Variants in ITGA3 observed in about 807,000 individuals in gnomAD.
ITGA3 encodes integrin alpha-3.
In ITGA3, 70 loss-of-function variants were observed where a neutral mutation model predicts 131.1. The observed-to-expected ratio is 0.53, with a 90% CI of 0.44 to 0.65. The LOEUF is 0.65. ITGA3 is among the 30% of genes least tolerant of loss of function. The pLI is 0.00. For synonymous variants in ITGA3, 537 were observed against 571.6 expected (o/e 0.94, Z 0.86); for missense variants, 1,098 against 1,388.6 (o/e 0.79, Z 3.33).
Position 50,089,207 on chromosome 17 carries a change from C to G in ITGA3, c.*129C>G. 6.2e-7 allele frequency: 1 copy of G among 1,613,758 alleles called. No individual in the cohort carries two copies. The highest frequency in any genetic ancestry group is 8.5e-7 in the Non-Finnish European group (1 of 1,179,922). On this transcript the variant is annotated 3_prime_UTR_variant, in exon 26 of 26. Transcript: ENST00000320031. Reference sequence around the variant, plus strand: ...GAGCGCTACCCACCTCCAGGGAGCACCCTGCCCACCAAGAAGCACTGGGTG... The same window carrying G: ...GAGCGCTACCCACCTCCAGGGAGCAGCCTGCCCACCAAGAAGCACTGGGTG...
At chr17:50,082,869 T>C (rs1384419161) in intron 23 of ITGA3, among the ~76,000 whole-genome samples, 1 of 152,182 alleles carries the variant, frequency 6.6e-6, no homozygotes, top group South Asian at 2.1e-4. Context: ...TCCACCCAAA[T>C]TATTCCAGTC....
chr17:50,078,479 G>C (rs2144302480), intron 18 of ITGA3, among the ~76,000 whole-genome samples, 195 bp downstream of exon 18: 1 of 152,230 alleles, frequency 6.6e-6, no homozygotes, highest in East Asian at 1.9e-4. Context: ...CTGTAAAGCA[G>C]GCAGAAATGG....
rs80258457 is a variant in ITGA3, at chr17:50,074,612, C to T, written c.1469+78C>T. On this transcript the variant is annotated intron_variant, in intron 10 of 25. Transcript: ENST00000320031. ...GGGCTGCAGCTCCCAAACCCCTCCC[C>T]TGGCCTCCTGACATCCCACCTTTAG... The T allele has an allele frequency of 7.7e-3, 7,387 of 962,970 alleles. 335 individuals carry two copies. In the African/African-American group the frequency reaches 0.1, roughly 14 times the overall value. 59.7% of individuals were successfully genotyped at this position (962,970 alleles called of 1,614,324 possible). A position where few individuals can be genotyped will look rare whatever the true frequency, so the allele number is the denominator to read the frequency against.
At chr17:50,077,975 C>A (rs1459617768) in intron 16 of ITGA3, 71 bp from the exon 17 acceptor site, 22 of 1,294,400 alleles carry the variant, frequency 1.7e-5, no homozygotes, top group Admixed American at 3.5e-5. Flanking sequence ...GTGTGCATCC[C>A]CTCCTTCCCC....
At chr17:50,085,327 G>C (rs1265705068) in intron 23 of ITGA3, among the ~76,000 whole-genome samples, 1 of 151,960 alleles carries the variant, frequency 6.6e-6, no homozygotes, top group Non-Finnish European at 1.5e-5. Context: ...TATGGAAAGA[G>C]ATTCACCAGA....
chr17:50,083,739 A>AG (rs397718578), intron 23 of ITGA3, among the ~76,000 whole-genome samples: 4 of 151,392 alleles, frequency 2.6e-5, no homozygotes, highest in Non-Finnish European at 5.9e-5. Flanking sequence ...AAAAAAAAAA[A>AG]GAAACTAAAT....
In ITGA3 at chr17:50,056,696, G is replaced by A; in HGVS notation, c.206+51G>A. 6.5e-7 allele frequency: 1 copy of A among 1,534,358 alleles called. No homozygotes were observed. The highest frequency in any genetic ancestry group is 8.8e-7 in the Non-Finnish European group (1 of 1,133,584). ...TGGGAGCGAGAGAGTGTGCGAGCGCGGGATGCGGGTCCGGAGCTGAGTCGG... is the reference window on the plus strand; with the variant it reads ...TGGGAGCGAGAGAGTGTGCGAGCGCAGGATGCGGGTCCGGAGCTGAGTCGG... On this transcript the variant is annotated intron_variant, in intron 1 of 25. Coordinates refer to ENST00000320031, the MANE Select transcript of ITGA3 (RefSeq NM_002204.4). The surrounding 1 kb of genome is among the most constrained non-coding windows in gnomAD (Gnocchi z 5.6).
At chr17:50,069,005 G>A (rs987880995) in intron 4 of ITGA3, among the ~76,000 whole-genome samples, 11 of 151,624 alleles carry the variant, frequency 7.3e-5, no homozygotes, top group Admixed American at 1.3e-4. Flanking sequence ...CCGCCACCAT[G>A]CCCGGCTAAT....
At chr17:50,082,600 C>T (rs1218074845) in intron 23 of ITGA3, among the ~76,000 whole-genome samples, 1 of 152,170 alleles carries the variant, frequency 6.6e-6, no homozygotes, top group Admixed American at 6.5e-5. Context: ...GTATTAGCTA[C>T]CACACCTGGC....
chr17:50,077,236 T>TGGGCCTTCTTGG (rs1908958791), intron 15 of ITGA3, 115 bp downstream of exon 15: 1 of 1,301,488 alleles, frequency 7.7e-7, no homozygotes, highest in African/African-American at 1.5e-5. Flanking sequence ...TCCTCTGGTC[T>TGGGCCTTCTTGG]GGGCCTTCTT....
rs763530185 is a variant in ITGA3 at position 50,076,992 on chromosome 17, C to G, written c.1941C>G (p.Asp647Glu). 3.7e-6 allele frequency: 6 copies of G among 1,610,322 alleles called. No individual in the cohort carries two copies. The South Asian group carries it at 6.6e-5, about 18-fold the overall frequency. Residue 647 changes from aspartate to glutamate, a missense_variant, in exon 15 of 26, where the codon GAC becomes GAG. Around this residue, in one of 3 missense-constraint regions of ITGA3, gnomAD observed 699 missense variants for 829.2 expected, o/e 0.84. Transcript: ENST00000320031. ...CTCTCAGGCTCCAGTACAGCAGAGACGTCCGGAAATTGCTCCTGAGCATCA... is the reference window on the plus strand; with the variant it reads ...CTCTCAGGCTCCAGTACAGCAGAGAGGTCCGGAAATTGCTCCTGAGCATCA... Reference protein sequence around the residue: ...QKLSRLQYSRDVRKLLLSINV... With the variant: ...QKLSRLQYSREVRKLLLSINV...
At chr17:50,088,117 C>T in intron 24 of ITGA3, 108 bp from the exon 25 acceptor site, 4 of 1,395,640 alleles carry the variant, frequency 2.9e-6, no homozygotes, top group Non-Finnish European at 2.9e-6. Context: ...TGGGACTGAG[C>T]CCCAGCCCCC....
In ITGA3 at chr17:50,064,092, C is replaced by T. The variant is rs201984415; in HGVS notation, c.222C>T (p.Ala74=). Residue 74 remains alanine (A), a synonymous_variant, in exon 2 of 26, where the codon GCC becomes GCT. Transcript: ENST00000320031. The surrounding 1 kb of genome is among the most constrained non-coding windows in gnomAD (Gnocchi z 4.4). The part of the protein sequence containing the change: ...RQQRYLLLAG[A]PRELAVPDGY... ...CTATCCCCAGGCTCCTGGCTGGTGCCCCCCGGGAGCTCGCTGTGCCCGATG... is the reference window on the plus strand; with the variant it reads ...CTATCCCCAGGCTCCTGGCTGGTGCTCCCCGGGAGCTCGCTGTGCCCGATG... 1.2e-4 allele frequency: 186 copies of T among 1,612,726 alleles called. 1 individual carries two copies. In the East Asian group the frequency reaches 3.0e-3, roughly 26 times the overall value.
chr17:50,074,724 C>T (rs1157490868), intron 10 of ITGA3, among the ~76,000 whole-genome samples, 190 bp downstream of exon 10: 3 of 152,188 alleles, frequency 2.0e-5, no homozygotes, highest in African/African-American at 7.2e-5. Flanking sequence ...TGGATGAAGT[C>T]GGGGGCAGTA....
At chr17:50,070,329 G>A (rs1908562223) in intron 4 of ITGA3, among the ~76,000 whole-genome samples, 1 of 152,094 alleles carries the variant, frequency 6.6e-6, no homozygotes, top group South Asian at 2.1e-4. Flanking sequence ...TGCAAAATGG[G>A]GGTCATAATT....
chr17:50,079,303 G>A, intron 20 of ITGA3, 45 bp downstream of exon 20: 1 of 1,596,400 alleles, frequency 6.3e-7, no homozygotes, highest in Non-Finnish European at 8.6e-7. Flanking sequence ...CTACAGGGCA[G>A]AAAGGCCAGT....
chr17:50,082,630 A>G (rs535399758), intron 23 of ITGA3, among the ~76,000 whole-genome samples: 1 of 152,292 alleles, frequency 6.6e-6, no homozygotes, highest in Non-Finnish European at 1.5e-5. Flanking sequence ...TATTAGACCC[A>G]ATAAGATAAT....
rs61730085 is a variant in ITGA3, at chr17:50,072,139, A to T, written c.1113A>T (p.Leu371Phe). 4,650 of 1,613,852 alleles carry T rather than the reference A, an allele frequency of 2.9e-3. 97 individuals carry two copies. In the African/African-American group the frequency reaches 0.051, roughly 18 times the overall value. Residue 371 changes from leucine to phenylalanine, a missense_variant, in exon 7 of 26, where the codon TTA becomes TTT. Leu to Phe is a conservative substitution (Grantham distance 22). Transcript: ENST00000320031. ...GCCCCAGTGGCTCTGCCTTTGGTTTATCTGTGGCCAGCATTGGTGACATCA... is the reference window on the plus strand; with the variant it reads ...GCCCCAGTGGCTCTGCCTTTGGTTTTTCTGTGGCCAGCATTGGTGACATCA... ...LHGPSGSAFG[L>F]SVASIGDINQ... is the part of the protein sequence containing the mutation.
At position 50,076,614 on chromosome 17, in the gene ITGA3, A is replaced by T; in HGVS notation, c.1855A>T (p.Asn619Tyr). Residue 619 changes from asparagine to tyrosine, a missense_variant, in exon 14 of 26, where the codon AAC (asparagine) becomes TAC (tyrosine). Around this residue, in one of 3 missense-constraint regions of ITGA3, gnomAD observed 699 missense variants for 829.2 expected, o/e 0.84. Coordinates refer to ENST00000320031, the MANE Select transcript of ITGA3 (RefSeq NM_002204.4). ...VQFQKECGPD[N>Y]KCESNLQMRA... ...GTTCCAGAAGGAGTGCGGGCCTGAC[A>T]ACAAGTGTGAGAGCAACTTGCAGAT... The T allele has an allele frequency of 6.2e-7, 1 of 1,613,448 alleles. No individual in the cohort carries two copies. The highest frequency in any genetic ancestry group is 8.5e-7 in the Non-Finnish European group (1 of 1,179,928).
Sources: allele counts gnomAD v4.1 joint callset (sites outside exome capture counted in the v4.1 genomes callset), GRCh38; gene constraint gnomAD v4.1.1; regional missense constraint gnomAD v4.1.1; non-coding constraint Gnocchi (gnomAD v3.1); transcripts MANE v1.5; gene names NCBI Gene and HGNC (gene_info 2026-07-23, HGNC 2026-07-21).